The following PPP2R5E variants were observed in gnomAD, a reference collection of about 807,000 sequenced individuals.
PPP2R5E encodes the protein serine/threonine-protein phosphatase 2A 56 kDa regulatory subunit epsilon isoform.
Under a neutral mutation model 65.3 loss-of-function variants are expected in PPP2R5E, and 4 were observed. That is an observed-to-expected ratio of 0.06 (90% CI 0.03 to 0.14). The LOEUF is 0.14. Ranked by LOEUF, PPP2R5E falls within the 10% of genes least tolerant of loss-of-function variation. PPP2R5E has a pLI of 1.00. For missense variants in PPP2R5E, 274 were observed against 556.1 expected, an observed-to-expected ratio of 0.49 and a Z score of 5.10; for synonymous variants, 183 against 187.4, an observed-to-expected ratio of 0.98 and a Z score of 0.19.
intron 2 of PPP2R5E, among the ~76,000 whole-genome samples, chr14:63,483,680 G>A (rs1314641656): frequency 6.6e-6 from 1 of 152,136 alleles, no homozygotes; most frequent in East Asian, 1.9e-4. Flanking sequence ...CTCCATGAAA[G>A]GTGGGTCCAC....
intron 3 of PPP2R5E, among the ~76,000 whole-genome samples, chr14:63,440,066 G>A (rs1376150344): frequency 7.9e-5 from 12 of 152,280 alleles, no homozygotes; most frequent in South Asian, 4.1e-4. Context: ...GTATCGCCAC[G>A]CCAATGTTAC....
At chr14:63,436,442 T>C (rs2139416440) in intron 3 of PPP2R5E, among the ~76,000 whole-genome samples, 1 of 152,356 alleles carries the variant, frequency 6.6e-6, no homozygotes, top group South Asian at 2.1e-4. Context: ...CTGTCTCTTA[T>C]ACTCTGTGTC....
intron 5 of PPP2R5E, among the ~76,000 whole-genome samples, chr14:63,406,415 AAAAAAAAAAAAG>A (rs1360603901): frequency 6.6e-6 from 1 of 151,620 alleles, no homozygotes; most frequent in African/African-American, 2.4e-5. Flanking sequence ...CATCTCAAAA[AAAAAAAAAAAAG>A]AAAAAGAAAA....
At chr14:63,481,262 C>T (rs1566734285) in intron 2 of PPP2R5E, among the ~76,000 whole-genome samples, 2 of 152,026 alleles carry the variant, frequency 1.3e-5, no homozygotes, top group Non-Finnish European at 2.9e-5. Flanking sequence ...TTTGGGAGGC[C>T]GAGGCGGGTG....
chr14:63,421,917 C>A, intron 4 of PPP2R5E, 76 bp downstream of exon 4: 2 of 1,157,960 alleles, frequency 1.7e-6, no homozygotes, highest in Non-Finnish European at 2.6e-6. Flanking sequence ...GAATAAAGCC[C>A]TTCAAGGAAT....
chr14:63,490,107 G>A (rs1309686045), intron 2 of PPP2R5E, among the ~76,000 whole-genome samples: 1 of 152,002 alleles, frequency 6.6e-6, no homozygotes, highest in Non-Finnish European at 1.5e-5. Flanking sequence ...AGAAGAACTA[G>A]GCCGAATAAA....
At chr14:63,382,589 C>A (rs373864515) in intron 12 of PPP2R5E, among the ~76,000 whole-genome samples, 1 of 151,966 alleles carries the variant, frequency 6.6e-6, no homozygotes. Flanking sequence ...TTAGTAGAGA[C>A]GAGGTTTCTC....
At chr14:63,418,066 A>T (rs1280406824) in intron 4 of PPP2R5E, among the ~76,000 whole-genome samples, 1 of 152,158 alleles carries the variant, frequency 6.6e-6, no homozygotes, top group Non-Finnish European at 1.5e-5. Context: ...GAACTCTCTG[A>T]ATTCAGAAAA....
At chr14:63,503,975 G>C (rs1892034824) in intron 2 of PPP2R5E, among the ~76,000 whole-genome samples, 1 of 152,176 alleles carries the variant, frequency 6.6e-6, no homozygotes, top group African/African-American at 2.4e-5. Context: ...TCACACGCCA[G>C]TGTCCTCTGA....
intron 2 of PPP2R5E, among the ~76,000 whole-genome samples, chr14:63,506,065 A>G (rs1209660966): frequency 6.6e-6 from 1 of 152,194 alleles, no homozygotes; most frequent in Non-Finnish European, 1.5e-5. Context: ...CATCAAGAAA[A>G]GGCAACCCAC....
rs550203736 is a variant in PPP2R5E at position 63,424,825 on chromosome 14, T to C, written c.355-2731A>G. 7.1e-4 allele frequency among the ~76,000 whole-genome samples: 107 copies of C among 149,790 alleles called. No homozygotes were observed. The Middle Eastern group carries it at 0.014, about 20-fold the overall frequency. ...AATTGGGTAGAAAAAGAAGAGCAAA[T>C]GAAAAGAAGCAGGGGATAATAGAAA... On this transcript the variant is annotated intron_variant, in intron 3 of 13. Transcript: ENST00000337537.
chr14:63,494,245 T>C (rs1255616), intron 2 of PPP2R5E, among the ~76,000 whole-genome samples: 49,775 of 151,922 alleles, frequency 0.33, 12,331 homozygotes, highest in African/African-American at 0.7. Context: ...TTTATTTATT[T>C]ATTTATGAGA....
chr14:63,400,606 T>C (rs978569889), intron 5 of PPP2R5E, among the ~76,000 whole-genome samples: 36 of 144,138 alleles, frequency 2.5e-4, no homozygotes, highest in African/African-American at 8.3e-4. Context: ...TTGAACAATT[T>C]TGGAGCCCAT....
At chr14:63,525,110 G>A (rs934237459) in intron 2 of PPP2R5E, among the ~76,000 whole-genome samples, 1 of 152,154 alleles carries the variant, frequency 6.6e-6, no homozygotes, top group Non-Finnish European at 1.5e-5. Flanking sequence ...TTGGTATTGG[G>A]CGTGCAGCTT....
chr14:63,451,777 G>A (rs1566712609), intron 3 of PPP2R5E: 2 of 152,042 alleles, frequency 1.3e-5, no homozygotes, highest in Non-Finnish European at 2.9e-5. Context: ...TGGTGGGAGT[G>A]AGGGGGGAGG....
intron 2 of PPP2R5E, among the ~76,000 whole-genome samples, chr14:63,516,971 G>A (rs576563904): frequency 0.031 from 4,749 of 152,224 alleles, 247 homozygotes; most frequent in African/African-American, 0.11. Context: ...GAACTAAATA[G>A]ATTTTTAAAA....
intron 2 of PPP2R5E, among the ~76,000 whole-genome samples, chr14:63,529,710 C>T (rs141721556): frequency 6.6e-6 from 1 of 152,204 alleles, no homozygotes; most frequent in East Asian, 1.9e-4. Flanking sequence ...CAAGGAAGTC[C>T]CCAAGGAGGT....
At chr14:63,533,756 C>G (rs1467720255) in intron 2 of PPP2R5E, among the ~76,000 whole-genome samples, 2 of 152,134 alleles carry the variant, frequency 1.3e-5, no homozygotes, top group African/African-American at 4.8e-5. Flanking sequence ...ACCAGCCTGG[C>G]CAACATGGAG....
At chr14:63,387,164 C>A (rs1884723455) in intron 11 of PPP2R5E, among the ~76,000 whole-genome samples, 1 of 152,144 alleles carries the variant, frequency 6.6e-6, no homozygotes. Context: ...AACATTCTAA[C>A]TGGTTAGAGG....
Sources: gnomAD v4.1 joint callset for allele counts (sites outside exome capture counted in the v4.1 genomes callset) on GRCh38, gnomAD v4.1.1 for gene constraint, MANE v1.5 for transcripts, NCBI Gene and HGNC (gene_info 2026-07-23, HGNC 2026-07-21) for gene names.